Variants in HHLA2 observed in about 807,000 individuals in gnomAD.
HHLA2 encodes the protein HERV-H LTR-associating protein 2.
Under a neutral mutation model 45.9 loss-of-function variants are expected in HHLA2, and 48 were observed. The observed-to-expected ratio is 1.05, with a 90% CI of 0.83 to 1.33. HHLA2 has a LOEUF of 1.33. HHLA2 is among the 40% of genes most tolerant of loss of function. The probability of loss-of-function intolerance (pLI) is 0.00; values close to 1 mark genes in which losing one functional copy is unlikely to be tolerated. For synonymous variants in HHLA2, 161 were observed against 173.9 expected (o/e 0.93, Z 0.59); for missense variants, 462 against 494.3 (o/e 0.93, Z 0.62).
chr3:108,362,490 G>A lies in HHLA2; in HGVS notation c.1108+44G>A, dbSNP rs199554384. On this transcript the variant is annotated intron_variant, in intron 8 of 10. Transcript: ENST00000619531. Reference sequence around the variant, plus strand: ...CTCTGCCCCACGTGTTCCACATCACGTATATTAAAGATAACATGGAAATAC... The same window carrying A: ...CTCTGCCCCACGTGTTCCACATCACATATATTAAAGATAACATGGAAATAC... The A allele has an allele frequency of 7.4e-6, 9 of 1,212,676 alleles. No individual in the cohort carries two copies. The Admixed American group carries it at 7.9e-5, about 11-fold the overall frequency. 75.1% of individuals were successfully genotyped at this position (1,212,676 alleles called of 1,614,324 possible).
intron 8 of HHLA2, among the ~76,000 whole-genome samples, chr3:108,370,173 C>G (rs1464959582): frequency 6.6e-6 from 1 of 152,190 alleles, no homozygotes; most frequent in Non-Finnish European, 1.5e-5. Context: ...TGTTCTGCAG[C>G]CACCACTGCT....
At chr3:108,376,935 G>A (rs1412231081) in intron 10 of HHLA2, 2 of 351,984 alleles carry the variant, frequency 5.7e-6, no homozygotes, top group Non-Finnish European at 1.0e-5. Flanking sequence ...ATTATAGTTT[G>A]ATTGTATACT....
At chr3:108,375,667 A>C in intron 8 of HHLA2, 83 bp from the exon 8 acceptor site, 5 of 1,515,986 alleles carry the variant, frequency 3.3e-6, no homozygotes, top group Non-Finnish European at 3.6e-6. Context: ...ATTGAAGGAC[A>C]GAGCCATACC....
chr3:108,301,339 CCA>C (rs1019875970), intron 1 of HHLA2, among the ~76,000 whole-genome samples: 1 of 152,048 alleles, frequency 6.6e-6, no homozygotes, highest in African/African-American at 2.4e-5. Flanking sequence ...CCTGTGAATT[CCA>C]GAGACGTGAC....
chr3:108,354,614 C>A (rs1310346041), intron 5 of HHLA2, among the ~76,000 whole-genome samples: 1 of 152,038 alleles, frequency 6.6e-6, no homozygotes, highest in African/African-American at 2.4e-5. Flanking sequence ...TATATACACA[C>A]ACACACATAC....
chr3:108,311,825 A>G (rs939476648), intron 2 of HHLA2: 1 of 152,186 alleles, frequency 6.6e-6, no homozygotes, highest in African/African-American at 2.4e-5. Context: ...GACAAAACAC[A>G]GCTGTTTTGG....
At chr3:108,371,461 A>G (rs1315532986) in intron 8 of HHLA2, among the ~76,000 whole-genome samples, 1 of 152,234 alleles carries the variant, frequency 6.6e-6, no homozygotes, top group African/African-American at 2.4e-5. Flanking sequence ...ACAGGATCAA[A>G]TTCACATATA....
intron 1 of HHLA2, among the ~76,000 whole-genome samples, chr3:108,298,655 A>G (rs746219380): frequency 6.6e-6 from 1 of 152,232 alleles, no homozygotes; most frequent in East Asian, 1.9e-4. Flanking sequence ...ACTAGAATGC[A>G]GTTAGCAGGT....
At chr3:108,321,938 T>A (rs1405649488) in intron 2 of HHLA2, among the ~76,000 whole-genome samples, 12 of 152,216 alleles carry the variant, frequency 7.9e-5, no homozygotes, top group Admixed American at 7.9e-4. Flanking sequence ...TGCCATTCTG[T>A]TCCTTTTTTA....
chr3:108,375,458 C>T (rs1309175325), intron 8 of HHLA2, among the ~76,000 whole-genome samples: 3 of 151,474 alleles, frequency 2.0e-5, no homozygotes, highest in African/African-American at 7.3e-5. Flanking sequence ...TGCACATGTA[C>T]CCTAAAACTT....
chr3:108,358,006 T>G, exon 7 of HHLA2: 1 of 1,613,808 alleles, frequency 6.2e-7, no homozygotes, highest in Non-Finnish European at 8.5e-7. Context: ...AATACAATTA[T>G]CAATGAATCC....
chr3:108,353,905 A>C, intron 5 of HHLA2, 125 bp downstream of exon 4: 1 of 670,778 alleles, frequency 1.5e-6, no homozygotes, highest in Non-Finnish European at 2.5e-6. Context: ...ACTTATTTTT[A>C]ACGCACAGCA....
chr3:108,315,084 T>C (rs187620882), intron 2 of HHLA2, among the ~76,000 whole-genome samples: 1 of 152,328 alleles, frequency 6.6e-6, no homozygotes, highest in East Asian at 1.9e-4. Flanking sequence ...AATGGTGCTT[T>C]TGTACCCACG....
At chr3:108,332,122 C>A (rs1560218039) in intron 3 of HHLA2, among the ~76,000 whole-genome samples, 1 of 152,036 alleles carries the variant, frequency 6.6e-6, no homozygotes, top group African/African-American at 2.4e-5. Context: ...TAAGCTGGAG[C>A]CAACTGAGGA....
At chr3:108,359,673 T>C in intron 7 of HHLA2, among the ~76,000 whole-genome samples, 1 of 152,166 alleles carries the variant, frequency 6.6e-6, no homozygotes, top group East Asian at 1.9e-4. Flanking sequence ...ACGAGTACAG[T>C]GAGAAGTAGC....
chr3:108,298,085 A>T (rs1320253486), intron 1 of HHLA2, among the ~76,000 whole-genome samples: 1 of 152,292 alleles, frequency 6.6e-6, no homozygotes, highest in East Asian at 1.9e-4. Flanking sequence ...AGTAGGAATG[A>T]ATACCCCTTT....
intron 1 of HHLA2, among the ~76,000 whole-genome samples, chr3:108,306,040 AG>A (rs1403864639): frequency 2.0e-5 from 3 of 152,166 alleles, no homozygotes; most frequent in African/African-American, 7.2e-5. Context: ...CACAGTGGCA[AG>A]GCTAACAAGG....
chr3:108,336,799 C>T (rs1281320882), intron 3 of HHLA2, among the ~76,000 whole-genome samples: 1 of 149,846 alleles, frequency 6.7e-6, no homozygotes, highest in East Asian at 1.9e-4. Flanking sequence ...CAGGTTATTC[C>T]ATTAAAAAAA....
chr3:108,351,399 T>C (rs1039120010), intron 3 of HHLA2, among the ~76,000 whole-genome samples: 2 of 152,212 alleles, frequency 1.3e-5, no homozygotes, highest in Non-Finnish European at 2.9e-5. Context: ...TAACAAATTA[T>C]TATCCAGAGA....
Sources: allele counts gnomAD v4.1 joint callset (sites outside exome capture counted in the v4.1 genomes callset), GRCh38; gene constraint gnomAD v4.1.1; transcripts MANE v1.5; gene names NCBI Gene and HGNC (gene_info 2026-07-23, HGNC 2026-07-21).